CNTLN: variants seen among roughly 807,000 people sequenced by gnomAD.
CNTLN encodes the protein centlein.
CNTLN carries 212 observed loss-of-function variants against 180.0 expected under a neutral mutation model. That is an observed-to-expected ratio of 1.18 (90% CI 1.05 to 1.32). CNTLN has a LOEUF of 1.32. CNTLN is among the 40% of genes most tolerant of loss of function. The pLI, the probability that CNTLN is intolerant of heterozygous loss-of-function variation, is 0.00. For missense variants in CNTLN, 2,095 were observed against 1,610.9 expected (o/e 1.30, Z -5.14); for synonymous variants, 722 against 563.1 (o/e 1.28, Z -3.99).
In CNTLN at chr9:17,140,209, T is replaced by C. The variant is rs544041237; in HGVS notation, c.361-3079T>C. On this transcript the variant is annotated intron_variant, in intron 1 of 25. Transcript: ENST00000380647. ...GGTGTAATCCAAATTGACCATAGTA[T>C]AGCATTTAAATAACTGAAAAACTCA... Among the ~76,000 whole-genome samples, 31 of 152,318 alleles carry C rather than the reference T, an allele frequency of 2.0e-4. No individual in the cohort carries two copies. In the South Asian group the frequency reaches 6.2e-3, roughly 31 times the overall value.
At chr9:17,150,696 G>C (rs1404799367) in intron 2 of CNTLN, among the ~76,000 whole-genome samples, 1 of 152,138 alleles carries the variant, frequency 6.6e-6, no homozygotes, top group Non-Finnish European at 1.5e-5. Context: ...GAAAGTCAGT[G>C]GTAGCTTGAT....
intron 2 of CNTLN, among the ~76,000 whole-genome samples, chr9:17,189,306 T>G (rs1356542891): frequency 6.6e-6 from 1 of 150,860 alleles, no homozygotes. Flanking sequence ...ATGGTCTCAA[T>G]CTTCTGACCT....
At chr9:17,190,698 G>A (rs562925079) in intron 2 of CNTLN, among the ~76,000 whole-genome samples, 3 of 152,126 alleles carry the variant, frequency 2.0e-5, no homozygotes, top group African/African-American at 7.2e-5. Flanking sequence ...CTCATTAACC[G>A]AGTTGTCATA....
At chr9:17,331,363 A>G (rs566501319) in intron 9 of CNTLN, among the ~76,000 whole-genome samples, 3 of 150,960 alleles carry the variant, frequency 2.0e-5, no homozygotes, top group East Asian at 2.0e-4. Context: ...TAATGTCTCA[A>G]TTTTTTTTAG....
At chr9:17,243,509 G>A (rs1433200796) in intron 5 of CNTLN, among the ~76,000 whole-genome samples, 1 of 151,996 alleles carries the variant, frequency 6.6e-6, no homozygotes, top group Non-Finnish European at 1.5e-5. Context: ...GGTATGGTGT[G>A]TTTCCGTTAT....
At chr9:17,179,877 G>C (rs1346455519) in intron 2 of CNTLN, among the ~76,000 whole-genome samples, 2 of 151,964 alleles carry the variant, frequency 1.3e-5, no homozygotes, top group Admixed American at 1.3e-4. Flanking sequence ...ACACATTTAG[G>C]ATCACTACGT....
intron 12 of CNTLN, among the ~76,000 whole-genome samples, chr9:17,351,846 C>T (rs922677767): frequency 1.3e-5 from 2 of 152,158 alleles, no homozygotes; most frequent in Non-Finnish European, 2.9e-5. Context: ...TTAAGCAAAT[C>T]TGAGTTCATT....
At position 17,352,416 on chromosome 9, in the gene CNTLN, A is replaced by AT. The variant is rs869286111; in HGVS notation, c.1886+9986dup. ...TATATATATATATATATATATATAT[A>AT]TTTTTTTTTTTTTTGGTATGTAGAA... On this transcript the variant is annotated intron_variant, in intron 12 of 25. Transcript: ENST00000380647. Among the ~76,000 whole-genome samples, 261 of 31,290 alleles carry AT rather than the reference A, an allele frequency of 8.3e-3. 1 individual carries two copies. Among genetic ancestry groups the AT allele is most frequent in the East Asian group, 0.018 (19 of 1,078 alleles). 20.5% of individuals were successfully genotyped at this position (31,290 alleles called of 152,430 possible). A position where few individuals can be genotyped will look rare whatever the true frequency, so the allele number is the denominator to read the frequency against.
At chr9:17,390,145 A>G (rs528727311) in intron 14 of CNTLN, among the ~76,000 whole-genome samples, 21 of 151,352 alleles carry the variant, frequency 1.4e-4, no homozygotes, top group Non-Finnish European at 2.5e-4. Flanking sequence ...CTACTCTGTT[A>G]TACTTTATTA....
At chr9:17,367,669 T>C (rs1823943083) in intron 13 of CNTLN, among the ~76,000 whole-genome samples, 1 of 152,092 alleles carries the variant, frequency 6.6e-6, no homozygotes. Context: ...CACAATAGGA[T>C]AGGGCGCTAG....
Position 17,394,899 on chromosome 9 carries a change from A to T in CNTLN, c.2445A>T (p.Arg815Ser). 1 of 1,614,074 alleles carries T rather than the reference A, an allele frequency of 6.2e-7. No individual in the cohort carries two copies. Among genetic ancestry groups the T allele is most frequent in the Non-Finnish European group, 8.5e-7 (1 of 1,179,970 alleles). Residue 815 changes from arginine to serine, a missense_variant, in exon 15 of 26, where the codon AGA becomes AGT. Transcript: ENST00000380647. ...CCGAGATGGCCACCATGAAAGTGAG[A>T]TCTGGACGATATGATTGTAAGACAA... ...AKSEMATMKV[R>S]SGRYDCKTTM... is the part of the protein sequence containing the mutation.
the CNTLN span, among the ~76,000 whole-genome samples, chr9:17,513,660 G>GCAGTCCA: frequency 6.6e-6 from 1 of 151,992 alleles, no homozygotes; most frequent in African/African-American, 2.4e-5. Flanking sequence ...TTGTGCCACC[G>GCAGTCCA]CACTCCACAC....
intron 2 of CNTLN, among the ~76,000 whole-genome samples, chr9:17,198,672 C>T (rs561550688): frequency 6.6e-6 from 1 of 151,398 alleles, no homozygotes; most frequent in South Asian, 2.1e-4. Context: ...ACATGTCTCC[C>T]TCCCCTTGCC....
intron 12 of CNTLN, among the ~76,000 whole-genome samples, chr9:17,349,470 A>G (rs1481604409): frequency 6.6e-6 from 1 of 152,168 alleles, no homozygotes; most frequent in African/African-American, 2.4e-5. Context: ...AGTACTTCCA[A>G]ATCGAATTTT....
At chr9:17,336,168 T>C (rs1380635846) in intron 10 of CNTLN, among the ~76,000 whole-genome samples, 3 of 152,176 alleles carry the variant, frequency 2.0e-5, no homozygotes, top group Non-Finnish European at 4.4e-5. Context: ...AGTTCCCAAA[T>C]AAAGTACTAT....
intron 6 of CNTLN, among the ~76,000 whole-genome samples, chr9:17,296,291 T>C (rs1817928175): frequency 6.6e-6 from 1 of 152,086 alleles, no homozygotes. Context: ...GTGCTGGGAT[T>C]ACAGGTGTGA....
chr9:17,292,972 GTTA>G (rs1179732709), intron 6 of CNTLN, among the ~76,000 whole-genome samples: 1 of 152,188 alleles, frequency 6.6e-6, no homozygotes, highest in East Asian at 1.9e-4. Context: ...TGTTGATGCT[GTTA>G]TTGTTGTTGC....
At chr9:17,265,703 C>A (rs146665679) in intron 5 of CNTLN, among the ~76,000 whole-genome samples, 3 of 152,030 alleles carry the variant, frequency 2.0e-5, no homozygotes, top group Non-Finnish European at 2.9e-5. Flanking sequence ...TTGATTATTG[C>A]CACAATTTCA....
chr9:17,417,367 T>G (rs930156022), intron 18 of CNTLN, among the ~76,000 whole-genome samples: 1 of 152,164 alleles, frequency 6.6e-6, no homozygotes, highest in African/African-American at 2.4e-5. Context: ...TGACATTGTT[T>G]TATATCTCAC....
Sources: gnomAD v4.1 joint callset for allele counts (sites outside exome capture counted in the v4.1 genomes callset) on GRCh38, gnomAD v4.1.1 for gene constraint, MANE v1.5 for transcripts, NCBI Gene and HGNC (gene_info 2026-07-23, HGNC 2026-07-21) for gene names.